KCNQ1: variants seen among roughly 807,000 people sequenced by gnomAD.
KCNQ1 encodes the protein potassium voltage-gated channel subfamily KQT member 1.
Under a neutral mutation model 72.4 loss-of-function variants are expected in KCNQ1, and 49 were observed. The observed-to-expected ratio is 0.68, with a 90% CI of 0.54 to 0.86. The LOEUF (loss-of-function observed/expected upper bound fraction) is 0.86. Among genes scored for constraint, KCNQ1 ranks in the 40% least tolerant of loss-of-function variants. The pLI is 0.00. For synonymous variants in KCNQ1, 450 were observed against 412.6 expected, an observed-to-expected ratio of 1.09 and a Z score of -1.10; for missense variants, 790 against 945.1, an observed-to-expected ratio of 0.84 and a Z score of 2.15.
rs762263484 is a variant in KCNQ1, at chr11:2,849,069, C to T, written c.*1066C>T. The T allele has an allele frequency of 4.0e-5, 18 of 453,816 alleles. No individual in the cohort carries two copies. Among genetic ancestry groups the T allele is most frequent in the Non-Finnish European group, 7.1e-5 (16 of 226,618 alleles). 28.1% of individuals were successfully genotyped at this position (453,816 alleles called of 1,614,324 possible). Reference sequence around the variant, plus strand: ...CTCACAGACAGGACCCCTGCAGTTCCCCTGGAAGCAGTGCCCAGGTGGCTG... The same window carrying T: ...CTCACAGACAGGACCCCTGCAGTTCTCCTGGAAGCAGTGCCCAGGTGGCTG... On this transcript the variant is annotated 3_prime_UTR_variant, in exon 16 of 16. Transcript: ENST00000155840.
rs2133718170 is a variant in KCNQ1 at position 2,565,834 on chromosome 11, T to A, written c.478-4794T>A. ...CAGGGAGGGGCAGAACCCATGGGGT[T>A]TGGCTTCCTGACCCTGAACGTCTTT... On this transcript the variant is annotated intron_variant, in intron 2 of 15. Transcript: ENST00000155840. The surrounding 1 kb of genome is among the most constrained non-coding windows in gnomAD (Gnocchi z 5.6). 6.6e-6 allele frequency among the ~76,000 whole-genome samples: 1 copy of A among 152,362 alleles called. No individual in the cohort carries two copies. Among genetic ancestry groups the A allele is most frequent in the South Asian group, 2.1e-4 (1 of 4,832 alleles).
At chr11:2,656,565 C>A in intron 10 of KCNQ1, 1 of 398,678 alleles carries the variant, frequency 2.5e-6, no homozygotes. Flanking sequence ...TGCTCATCAG[C>A]CTTTTGGATT....
intron 11 of KCNQ1, chr11:2,667,859 A>G (rs2133864745): frequency 5.0e-6 from 2 of 398,644 alleles, no homozygotes; most frequent in East Asian, 3.6e-5. Flanking sequence ...ATGTGCATGC[A>G]CACAGATTAG....
intron 15 of KCNQ1, among the ~76,000 whole-genome samples, chr11:2,779,413 G>A (rs941762860): frequency 2.0e-5 from 3 of 152,138 alleles, no homozygotes; most frequent in African/African-American, 7.2e-5. Context: ...GAAAGCCGTG[G>A]TAGAGACAGG....
At chr11:2,448,759 TCTGTGGGG>T in intron 1 of KCNQ1, among the ~76,000 whole-genome samples, 1 of 152,328 alleles carries the variant, frequency 6.6e-6, no homozygotes, top group South Asian at 2.1e-4. Context: ...AGTGCTACCT[TCTGTGGGG>T]CATGAGCCCT....
intron 2 of KCNQ1, among the ~76,000 whole-genome samples, chr11:2,569,888 C>G (rs1189447540): frequency 6.6e-6 from 1 of 152,204 alleles, no homozygotes; most frequent in Non-Finnish European, 1.5e-5. Context: ...CTCCGAGGGT[C>G]TTCTTCCCAC....
intron 11 of KCNQ1, chr11:2,699,622 G>A (rs545518889): frequency 5.6e-6 from 2 of 354,636 alleles, no homozygotes; most frequent in Non-Finnish European, 5.0e-6. Context: ...GGAGAGAACC[G>A]CGCCGAAGAA....
chr11:2,796,192 C>T (rs1438221726), intron 15 of KCNQ1, among the ~76,000 whole-genome samples: 1 of 152,230 alleles, frequency 6.6e-6, no homozygotes, highest in Non-Finnish European at 1.5e-5. Flanking sequence ...AGGGACTATT[C>T]GGACACCACC....
rs139633112 is a variant in KCNQ1 at position 2,807,407 on chromosome 11, C to T, written c.1794+29370C>T. Among the ~76,000 whole-genome samples the T allele has an allele frequency of 5.0e-3, 759 of 152,288 alleles. 8 individuals are homozygous for T. Among genetic ancestry groups the T allele is most frequent in the African/African-American group, 0.017 (719 of 41,554 alleles). ...CCGGGAGGGGACCCTCCATGGAGAG[C>T]GGGACTGTGCCGCCCGCGGTCGCTG... On this transcript the variant is annotated intron_variant, in intron 15 of 15. Transcript: ENST00000155840.
intron 11 of KCNQ1, chr11:2,667,285 G>A (rs886461025): frequency 4.5e-5 from 18 of 398,518 alleles, no homozygotes; most frequent in Admixed American, 8.8e-5. Context: ...TGCTGCTATG[G>A]GGAGAGGGCC....
At position 2,825,164 on chromosome 11, in the gene KCNQ1, G is replaced by A. The variant is rs922786306; in HGVS notation, c.1795-22603G>A. On this transcript the variant is annotated intron_variant, in intron 15 of 15. Transcript: ENST00000155840. ...GAGTCCAGAGAACATGGGAGGTGCC[G>A]TTTCCCTGCGGCGGGACTGGGGCTG... Among the ~76,000 whole-genome samples the A allele has an allele frequency of 6.0e-5, 9 of 150,252 alleles. No homozygotes were observed. The East Asian group carries it at 1.4e-3, about 23-fold the overall frequency.
Position 2,602,786 on chromosome 11 carries a change from G to A in KCNQ1, c.1393+13932G>A, listed in dbSNP as rs941605336. 2.0e-5 allele frequency among the ~76,000 whole-genome samples: 3 copies of A among 152,042 alleles called. No homozygotes were observed. Among genetic ancestry groups the A allele is most frequent in the African/African-American group, 2.4e-5 (1 of 41,346 alleles). ...CCAATTAGACTTTTTGTTAACTGTC[G>A]AGTTTTGGGAGATGTTTATATATTC... On this transcript the variant is annotated intron_variant, in intron 10 of 15. Coordinates refer to ENST00000155840, the MANE Select transcript of KCNQ1 (RefSeq NM_000218.3). This position sits in a 1 kb window ranked among gnomAD's most constrained non-coding sequence, Gnocchi z 4.8.
chr11:2,661,178 G>A lies in KCNQ1; in HGVS notation c.1394-783G>A, dbSNP rs1231033323. The A allele has an allele frequency of 2.5e-6, 1 of 398,570 alleles. No individual in the cohort carries two copies. Among genetic ancestry groups the A allele is most frequent in the East Asian group, 3.6e-5 (1 of 28,080 alleles). The allele number at this position is 398,570 out of a possible 1,614,324, so 24.7% of individuals were successfully genotyped here. ...TGGCAGTTAACACTGATGACCTTGG[G>A]GGAGGAAAGCCATTGTGAATCTTTG... On this transcript the variant is annotated intron_variant, in intron 10 of 15. Transcript: ENST00000155840. The surrounding 1 kb of genome is among the most constrained non-coding windows in gnomAD (Gnocchi z 5.9).
At position 2,818,048 on chromosome 11, in the gene KCNQ1, A is replaced by G. The variant is rs1041593724; in HGVS notation, c.1795-29719A>G. Among the ~76,000 whole-genome samples the G allele has an allele frequency of 1.3e-5, 2 of 152,140 alleles. No individual in the cohort carries two copies. Among genetic ancestry groups the G allele is most frequent in the Admixed American group, 6.5e-5 (1 of 15,284 alleles). On this transcript the variant is annotated intron_variant, in intron 15 of 15. Coordinates refer to ENST00000155840, the MANE Select transcript of KCNQ1 (RefSeq NM_000218.3). The surrounding 1 kb of genome is among the most constrained non-coding windows in gnomAD (Gnocchi z 7.2). ...TATGCATTAACACCTAAAACCCACT[A>G]TCCTGGCAAAAAAGTGGCAGGATTG...
chr11:2,445,817 C>A (rs1378760442), intron 1 of KCNQ1, among the ~76,000 whole-genome samples: 1 of 152,098 alleles, frequency 6.6e-6, no homozygotes, highest in Non-Finnish European at 1.5e-5. Flanking sequence ...CTGGGGAGCG[C>A]ACCCTTGGGT....
Position 2,621,527 on chromosome 11 carries a change from G to A in KCNQ1, c.1393+32673G>A. 1 of 398,382 alleles carries A rather than the reference G, an allele frequency of 2.5e-6. No homozygotes were observed. Among genetic ancestry groups the A allele is most frequent in the Non-Finnish European group, 4.4e-6 (1 of 226,018 alleles). 24.7% of individuals were successfully genotyped at this position (398,382 alleles called of 1,614,324 possible). A position where few individuals can be genotyped will look rare whatever the true frequency, so the allele number is the denominator to read the frequency against. On this transcript the variant is annotated intron_variant, in intron 10 of 15. Transcript: ENST00000155840. This position sits in a 1 kb window ranked among gnomAD's most constrained non-coding sequence, Gnocchi z 5.7. ...GTTTACTCTGTTGATAATTTCTTTT[G>A]CTATGCAGAAGCTCTTTAGTTTACC...
At chr11:2,686,396 C>A in intron 11 of KCNQ1, 4 of 398,684 alleles carry the variant, frequency 1.0e-5, no homozygotes, top group Non-Finnish European at 1.8e-5. Context: ...ACCCCAACCC[C>A]TGACTAGGAT....
intron 2 of KCNQ1, among the ~76,000 whole-genome samples, chr11:2,535,623 T>C (rs1847716838): frequency 6.6e-6 from 1 of 152,152 alleles, no homozygotes; most frequent in Non-Finnish European, 1.5e-5. Flanking sequence ...CTCACTGCCT[T>C]TCAGAGCCCT....
chr11:2,640,151 T>C (rs542817240), intron 10 of KCNQ1: 54 of 362,710 alleles, frequency 1.5e-4, no homozygotes, highest in Admixed American at 3.2e-4. Context: ...CCCCTTGTGC[T>C]TCCCAGGTGA....
Sources: gnomAD v4.1 joint callset for allele counts (sites outside exome capture counted in the v4.1 genomes callset) on GRCh38, gnomAD v4.1.1 for gene constraint, Gnocchi (gnomAD v3.1) non-coding constraint, MANE v1.5 for transcripts, NCBI Gene and HGNC (gene_info 2026-07-23, HGNC 2026-07-21) for gene names.